SLC7A14: variants seen among roughly 807,000 people sequenced by gnomAD.
SLC7A14 encodes the protein gamma-aminobutyric acid transporter SLC7A14.
In SLC7A14, 37 loss-of-function variants were observed where a neutral mutation model predicts 60.2. That is an observed-to-expected ratio of 0.61 (90% CI 0.47 to 0.81). SLC7A14 has a LOEUF of 0.81. Among genes scored for constraint, SLC7A14 ranks in the 30% least tolerant of loss-of-function variants. The pLI, the probability that SLC7A14 is intolerant of heterozygous loss-of-function variation, is 0.00. For missense variants in SLC7A14, 886 were observed against 982.7 expected (o/e 0.90, Z 1.32); for synonymous variants, 399 against 395.8 (o/e 1.01, Z -0.10).
chr3:170,534,566 G>A (rs1713780285), intron 1 of SLC7A14, among the ~76,000 whole-genome samples: 1 of 152,136 alleles, frequency 6.6e-6, no homozygotes, highest in South Asian at 2.1e-4. Context: ...TTTTTCTTCT[G>A]AGGCTGTTTT....
chr3:170,562,504 G>C (rs186528540), intron 1 of SLC7A14, among the ~76,000 whole-genome samples: 1 of 152,060 alleles, frequency 6.6e-6, no homozygotes, highest in African/African-American at 2.4e-5. Flanking sequence ...GGGTGGGAAG[G>C]GGGTGAGGGA....
At chr3:170,515,470 C>A (rs560149975) in intron 2 of SLC7A14, among the ~76,000 whole-genome samples, 1 of 152,074 alleles carries the variant, frequency 6.6e-6, no homozygotes, top group Non-Finnish European at 1.5e-5. Flanking sequence ...ACACCTCTAA[C>A]TTTCAGCAAC....
chr3:170,496,029 A>G, intron 4 of SLC7A14: 1 of 1,198,804 alleles, frequency 8.3e-7, no homozygotes. Context: ...CAAGAAGGAC[A>G]TGGATGAAGC....
At position 170,526,730 on chromosome 3, in the gene SLC7A14, A is replaced by G. The variant is rs1463295896; in HGVS notation, c.207T>C (p.Thr69=). The part of the protein sequence containing the change: ...ISLGVGSCVG[T]GMYVVSGLVA... Reference sequence around the variant, plus strand: ...CCAGGCCAGAGACCACATACATGCCAGTGCCCACACAGCTGCCAACGCCAA... The same window carrying G: ...CCAGGCCAGAGACCACATACATGCCGGTGCCCACACAGCTGCCAACGCCAA... The change falls in exon 2 of 8, where the codon ACT becomes ACC. Residue 69 remains threonine, a synonymous_variant. Coordinates refer to ENST00000231706, the MANE Select transcript of SLC7A14 (RefSeq NM_020949.3). 1 of 1,614,260 alleles carries G rather than the reference A, an allele frequency of 6.2e-7. No homozygotes were observed. Among genetic ancestry groups the G allele is most frequent in the East Asian group, 2.2e-5 (1 of 44,878 alleles).
At position 170,532,671 on chromosome 3, in the gene SLC7A14, G is replaced by GTT. The variant is rs368903514; in HGVS notation, c.-152-5585_-152-5584dup. ...ACCCTGCTGTGGCCCCTGACCAGGTGTTTTTTTTTTTTTGTTGTTGTTGTT... is the reference window on the plus strand; with the variant it reads ...ACCCTGCTGTGGCCCCTGACCAGGTGTTTTTTTTTTTTTTTGTTGTTGTTGTT... On this transcript the variant is annotated intron_variant, in intron 1 of 7. Transcript: ENST00000231706. The surrounding 1 kb of genome is among the most constrained non-coding windows in gnomAD (Gnocchi z 4.0). Among the ~76,000 whole-genome samples the GTT allele has an allele frequency of 2.1e-5, 3 of 145,600 alleles. No homozygotes were observed. The highest frequency in any genetic ancestry group is 3.0e-5 in the Non-Finnish European group (2 of 65,688).
intron 2 of SLC7A14, among the ~76,000 whole-genome samples, chr3:170,511,883 G>A (rs1712991536): frequency 6.6e-6 from 1 of 152,174 alleles, no homozygotes; most frequent in Non-Finnish European, 1.5e-5. Context: ...TTCCACAACT[G>A]CAATGAGAAA....
intron 2 of SLC7A14, among the ~76,000 whole-genome samples, chr3:170,516,792 T>A (rs1471993342): frequency 6.6e-6 from 1 of 151,746 alleles, no homozygotes; most frequent in Non-Finnish European, 1.5e-5. Context: ...AATAATAAAT[T>A]TGGAAGTTTG....
chr3:170,543,227 T>G (rs1442685689), intron 1 of SLC7A14, among the ~76,000 whole-genome samples: 1 of 152,162 alleles, frequency 6.6e-6, no homozygotes, highest in Non-Finnish European at 1.5e-5. Context: ...GACCTGCTAC[T>G]ATTGTTTTAT....
intron 2 of SLC7A14, 83 bp downstream of exon 2, chr3:170,526,550 A>C: frequency 1.3e-5 from 19 of 1,486,062 alleles, no homozygotes; most frequent in Non-Finnish European, 1.6e-5. Flanking sequence ...TCTCACCACT[A>C]AATACTCCGG....
intron 2 of SLC7A14, among the ~76,000 whole-genome samples, chr3:170,508,200 TATC>T (rs1016623875): frequency 1.3e-5 from 2 of 152,144 alleles, no homozygotes; most frequent in Admixed American, 6.5e-5. Context: ...GGCCTTATAG[TATC>T]ATGGAGGAAA....
intron 1 of SLC7A14, among the ~76,000 whole-genome samples, chr3:170,581,379 T>C (rs1577578930): frequency 6.6e-6 from 1 of 152,180 alleles, no homozygotes. Flanking sequence ...TGATGATTAC[T>C]TAAAAACTAT....
At chr3:170,560,725 T>G (rs1486948576) in intron 1 of SLC7A14, among the ~76,000 whole-genome samples, 1 of 152,320 alleles carries the variant, frequency 6.6e-6, no homozygotes, top group East Asian at 1.9e-4. Flanking sequence ...TTTGCAACTC[T>G]TCTCAATAAC....
chr3:170,544,749 C>A (rs755887464), intron 1 of SLC7A14, among the ~76,000 whole-genome samples: 3 of 152,184 alleles, frequency 2.0e-5, no homozygotes, highest in African/African-American at 7.2e-5. Context: ...TATATTCTAA[C>A]AACAACCCTG....
intron 2 of SLC7A14, among the ~76,000 whole-genome samples, chr3:170,505,671 A>G (rs1712758450): frequency 6.6e-6 from 1 of 152,168 alleles, no homozygotes; most frequent in Non-Finnish European, 1.5e-5. Context: ...GGATCACCTG[A>G]GGTCAAGAGT....
intron 1 of SLC7A14, among the ~76,000 whole-genome samples, chr3:170,576,940 G>T (rs1233720496): frequency 6.6e-6 from 1 of 152,174 alleles, no homozygotes; most frequent in African/African-American, 2.4e-5. Context: ...TATTGTAAGT[G>T]CCATTTTCTA....
intron 7 of SLC7A14, among the ~76,000 whole-genome samples, chr3:170,469,855 T>C (rs1231363508): frequency 1.3e-5 from 2 of 152,084 alleles, no homozygotes; most frequent in Admixed American, 6.5e-5. Context: ...TCTTTTCCCT[T>C]TGCCCCAAAC....
intron 1 of SLC7A14, among the ~76,000 whole-genome samples, chr3:170,577,742 G>A (rs1047853580): frequency 6.6e-6 from 1 of 151,976 alleles, no homozygotes; most frequent in African/African-American, 2.4e-5. Context: ...AGAAACTAGA[G>A]CTAAAGAATA....
chr3:170,467,434 C>G, intron 7 of SLC7A14, 57 bp from the exon 8 acceptor site: 2 of 1,166,804 alleles, frequency 1.7e-6, no homozygotes, highest in Non-Finnish European at 2.2e-6. Context: ...GATCCTGGGA[C>G]TAGCAGAGAG....
intron 2 of SLC7A14, among the ~76,000 whole-genome samples, chr3:170,522,063 A>G (rs539849157): frequency 6.6e-6 from 1 of 152,364 alleles, no homozygotes; most frequent in South Asian, 2.1e-4. Flanking sequence ...AACCACATTG[A>G]AACATTGCTA....
Sources: gnomAD v4.1 joint callset for allele counts (sites outside exome capture counted in the v4.1 genomes callset) on GRCh38, gnomAD v4.1.1 for gene constraint, Gnocchi (gnomAD v3.1) non-coding constraint, MANE v1.5 for transcripts, NCBI Gene and HGNC (gene_info 2026-07-23, HGNC 2026-07-21) for gene names.